OPCML: variants seen among roughly 807,000 people sequenced by gnomAD.
OPCML encodes the protein opioid binding protein/cell adhesion molecule like.
Under a neutral mutation model 37.8 loss-of-function variants are expected in OPCML, and 13 were observed. That is an observed-to-expected ratio of 0.34 (90% CI 0.22 to 0.55). OPCML has a LOEUF of 0.55. OPCML is among the 20% of genes least tolerant of loss of function. The probability of loss-of-function intolerance (pLI) is 0.91; values close to 1 mark genes in which losing one functional copy is unlikely to be tolerated. For synonymous variants in OPCML, 176 were observed against 168.8 expected (o/e 1.04, Z -0.33); for missense variants, 341 against 435.6 (o/e 0.78, Z 1.93).
At chr11:133,001,587 G>A (rs945941360) in intron 1 of OPCML, among the ~76,000 whole-genome samples, 2 of 152,182 alleles carry the variant, frequency 1.3e-5, no homozygotes, top group African/African-American at 4.8e-5. Context: ...CTTACCACTT[G>A]GAAAGTGGAG....
chr11:132,806,384 A>C (rs1211481977), intron 2 of OPCML, among the ~76,000 whole-genome samples: 1 of 152,174 alleles, frequency 6.6e-6, no homozygotes, highest in Non-Finnish European at 1.5e-5. Flanking sequence ...TTTAAATATA[A>C]AGAAATAGAC....
chr11:132,723,962 A>G (rs1944775020), intron 2 of OPCML, among the ~76,000 whole-genome samples: 2 of 152,166 alleles, frequency 1.3e-5, no homozygotes, highest in Admixed American at 1.3e-4. Context: ...TGGGGTTCTT[A>G]AGCAAATAAA....
chr11:133,443,506 A>C (rs1156998293), intron 1 of OPCML, among the ~76,000 whole-genome samples: 1 of 152,220 alleles, frequency 6.6e-6, no homozygotes, highest in Non-Finnish European at 1.5e-5. Flanking sequence ...CCTTGTTGAA[A>C]CATGCGCAGC....
At chr11:132,622,136 T>C (rs1318643892) in intron 3 of OPCML, among the ~76,000 whole-genome samples, 1 of 150,738 alleles carries the variant, frequency 6.6e-6, no homozygotes, top group East Asian at 2.0e-4. Flanking sequence ...AGAAGAATGA[T>C]GAGAATAATA....
In OPCML at chr11:133,239,023, G is replaced by C. The variant is rs74409740; in HGVS notation, c.61+293241C>G. On this transcript the variant is annotated intron_variant, in intron 1 of 7. Coordinates refer to ENST00000524381, the MANE Select transcript of OPCML (RefSeq NM_001012393.5). ...CCTGGGTGGGGACAGAGTAGCAACC[G>C]GTGAAAATGGGGAGTGAAGCTCTCC... Among the ~76,000 whole-genome samples the C allele has an allele frequency of 3.0e-3, 455 of 152,242 alleles. 14 individuals carry two copies. The East Asian group carries it at 0.074, about 25-fold the overall frequency.
At chr11:133,419,853 A>G (rs531816342) in intron 1 of OPCML, among the ~76,000 whole-genome samples, 1 of 152,352 alleles carries the variant, frequency 6.6e-6, no homozygotes, top group South Asian at 2.1e-4. Flanking sequence ...TTCAAAACCT[A>G]TTATCTAATT....
intron 1 of OPCML, among the ~76,000 whole-genome samples, chr11:133,332,144 C>T (rs1200847064): frequency 6.6e-6 from 1 of 152,142 alleles, no homozygotes; most frequent in Admixed American, 6.5e-5. Flanking sequence ...GACCTATCAT[C>T]TCCCTAGTTA....
intron 3 of OPCML, among the ~76,000 whole-genome samples, chr11:132,641,612 C>T (rs566030466): frequency 7.2e-5 from 11 of 152,322 alleles, no homozygotes; most frequent in African/African-American, 2.2e-4. Flanking sequence ...TGGGCCCATT[C>T]TTCCCTTCCC....
intron 1 of OPCML, among the ~76,000 whole-genome samples, chr11:133,448,070 G>C (rs565418913): frequency 6.6e-6 from 1 of 152,158 alleles, no homozygotes; most frequent in South Asian, 2.1e-4. Flanking sequence ...TTTTTCCTTT[G>C]TGAATCATGC....
chr11:133,015,383 G>GGAAGGAAT (rs1947304377), intron 1 of OPCML, among the ~76,000 whole-genome samples: 1 of 90,978 alleles, frequency 1.1e-5, no homozygotes, highest in Non-Finnish European at 2.1e-5. Flanking sequence ...AAGGAAGGAA[G>GGAAGGAAT]GAAGGAAGGA....
intron 1 of OPCML, among the ~76,000 whole-genome samples, chr11:133,142,133 A>G (rs1949832097): frequency 6.6e-6 from 1 of 152,136 alleles, no homozygotes; most frequent in Non-Finnish European, 1.5e-5. Context: ...ACTTTCCTCT[A>G]TTCTCACCTC....
At chr11:133,154,086 A>G (rs1163330937) in intron 1 of OPCML, among the ~76,000 whole-genome samples, 2 of 152,080 alleles carry the variant, frequency 1.3e-5, no homozygotes. Context: ...GGAGCAGCTC[A>G]CACAGAGATC....
intron 1 of OPCML, among the ~76,000 whole-genome samples, chr11:133,045,396 C>T (rs912479366): frequency 2.0e-5 from 3 of 152,184 alleles, no homozygotes; most frequent in Non-Finnish European, 4.4e-5. Context: ...GACCCACGCA[C>T]CCCGGAGGGA....
intron 3 of OPCML, among the ~76,000 whole-genome samples, chr11:132,545,280 A>G (rs559764614): frequency 8.5e-5 from 13 of 152,250 alleles, no homozygotes; most frequent in Admixed American, 5.9e-4. Flanking sequence ...TTCTTCATTT[A>G]TTATTATGAG....
intron 1 of OPCML, among the ~76,000 whole-genome samples, chr11:133,440,271 T>G (rs1231857102): frequency 6.6e-6 from 1 of 151,760 alleles, no homozygotes; most frequent in Non-Finnish European, 1.5e-5. Flanking sequence ...TGGTGGTGCA[T>G]GCCTGTAATC....
At chr11:133,265,042 G>A (rs759576960) in intron 1 of OPCML, among the ~76,000 whole-genome samples, 24 of 152,286 alleles carry the variant, frequency 1.6e-4, no homozygotes, top group Admixed American at 3.9e-4. Flanking sequence ...TCGCTGCGCC[G>A]TGGGAATGGA....
intron 1 of OPCML, among the ~76,000 whole-genome samples, chr11:133,322,734 A>G (rs920209177): frequency 5.9e-5 from 9 of 152,084 alleles, no homozygotes; most frequent in African/African-American, 2.2e-4. Context: ...TTCGCATCCA[A>G]TCCGCCACCC....
At chr11:132,579,309 C>T (rs139473737) in intron 3 of OPCML, among the ~76,000 whole-genome samples, 119 of 152,152 alleles carry the variant, frequency 7.8e-4, no homozygotes, top group African/African-American at 2.5e-3. Context: ...CAAATTCACA[C>T]GCCTCAGTGA....
chr11:133,285,349 TG>T (rs1942267520), intron 1 of OPCML, among the ~76,000 whole-genome samples: 1 of 152,214 alleles, frequency 6.6e-6, no homozygotes. Context: ...TTTTCAGCCC[TG>T]TAGTGACCTT....
Sources: allele counts gnomAD v4.1 joint callset (sites outside exome capture counted in the v4.1 genomes callset), GRCh38; gene constraint gnomAD v4.1.1; transcripts MANE v1.5; gene names NCBI Gene and HGNC (gene_info 2026-07-23, HGNC 2026-07-21).